GRM5: variants seen among roughly 807,000 people sequenced by gnomAD.
The protein encoded by GRM5 is metabotropic glutamate receptor 5.
Under a neutral mutation model 83.1 loss-of-function variants are expected in GRM5, and 19 were observed. That is an observed-to-expected ratio of 0.23 (90% CI 0.16 to 0.34). The LOEUF (loss-of-function observed/expected upper bound fraction) is 0.34, where lower values mean the gene tolerates loss of function less well. Ranked by LOEUF, GRM5 falls within the 10% of genes least tolerant of loss-of-function variation. GRM5 has a pLI of 1.00. For synonymous variants in GRM5, 675 were observed against 633.6 expected, an observed-to-expected ratio of 1.07 and a Z score of -0.98; for missense variants, 1,160 against 1,588.3, an observed-to-expected ratio of 0.73 and a Z score of 4.58.
chr11:88,788,962 G>A (rs919413836), intron 3 of GRM5, among the ~76,000 whole-genome samples: 1 of 152,138 alleles, frequency 6.6e-6, no homozygotes, highest in African/African-American at 2.4e-5. Context: ...TTATTTTAGA[G>A]GGCAGCAATG....
At chr11:88,528,013 C>A (rs1941921005) in intron 8 of GRM5, among the ~76,000 whole-genome samples, 2 of 151,942 alleles carry the variant, frequency 1.3e-5, no homozygotes, top group African/African-American at 4.8e-5. Flanking sequence ...ATGAAATAAT[C>A]TGCATATTAT....
chr11:88,867,437 G>A (rs899813716), intron 2 of GRM5, among the ~76,000 whole-genome samples: 1 of 151,738 alleles, frequency 6.6e-6, no homozygotes, highest in African/African-American at 2.4e-5. Context: ...TACATAGGCT[G>A]TTCAGTTTTA....
intron 3 of GRM5, among the ~76,000 whole-genome samples, chr11:88,818,117 T>C (rs568665795): frequency 6.6e-6 from 1 of 152,128 alleles, no homozygotes; most frequent in South Asian, 2.1e-4. Context: ...ACTATAAATC[T>C]ACCTCTATTA....
At chr11:88,937,796 T>C (rs1400090158) in intron 2 of GRM5, among the ~76,000 whole-genome samples, 2 of 151,694 alleles carry the variant, frequency 1.3e-5, no homozygotes, top group Non-Finnish European at 3.0e-5. Flanking sequence ...GTTTGTTATA[T>C]TCACATACTA....
chr11:88,863,240 C>A (rs969926561), intron 2 of GRM5, among the ~76,000 whole-genome samples: 2 of 151,958 alleles, frequency 1.3e-5, no homozygotes, highest in Non-Finnish European at 2.9e-5. Flanking sequence ...TGTCATTTGA[C>A]CCAGCAATCC....
intron 4 of GRM5, among the ~76,000 whole-genome samples, chr11:88,635,801 A>T (rs1411811921): frequency 1.3e-5 from 2 of 152,096 alleles, no homozygotes; most frequent in Non-Finnish European, 2.9e-5. Flanking sequence ...TTCTTCCAGT[A>T]GTTTTATGTT....
At chr11:88,673,900 AAAAAC>A (rs1184372513) in intron 3 of GRM5, among the ~76,000 whole-genome samples, 6 of 151,714 alleles carry the variant, frequency 4.0e-5, no homozygotes, top group African/African-American at 1.5e-4. Flanking sequence ...TTGAAAAAAA[AAAAAC>A]AAACATACTC....
At chr11:88,561,452 A>G (rs959574219) in intron 8 of GRM5, among the ~76,000 whole-genome samples, 1 of 152,150 alleles carries the variant, frequency 6.6e-6, no homozygotes, top group East Asian at 1.9e-4. Flanking sequence ...TCTGTCATCA[A>G]TTTAGCCATG....
intron 3 of GRM5, among the ~76,000 whole-genome samples, chr11:88,834,063 TATC>T (rs1465540588): frequency 6.6e-6 from 1 of 152,220 alleles, no homozygotes; most frequent in Non-Finnish European, 1.5e-5. Flanking sequence ...CTGAGTAGAC[TATC>T]ATTAACAAAA....
intron 2 of GRM5, among the ~76,000 whole-genome samples, chr11:88,882,874 TC>T (rs1452638009): frequency 6.6e-6 from 1 of 152,124 alleles, no homozygotes; most frequent in East Asian, 1.9e-4. Context: ...GGTGGGTCTT[TC>T]CCATGCTTCT....
intron 2 of GRM5, among the ~76,000 whole-genome samples, chr11:88,973,543 G>T (rs944629181): frequency 3.3e-5 from 5 of 152,058 alleles, no homozygotes; most frequent in African/African-American, 9.7e-5. Context: ...GGCAAGCCAA[G>T]AAACATTGAT....
At chr11:88,725,158 A>T (rs1941645691) in intron 3 of GRM5, among the ~76,000 whole-genome samples, 1 of 152,186 alleles carries the variant, frequency 6.6e-6, no homozygotes, top group Non-Finnish European at 1.5e-5. Context: ...CCACCAGCAC[A>T]GCAGTCTGAA....
chr11:88,909,264 A>C (rs1945454062), intron 2 of GRM5, among the ~76,000 whole-genome samples: 1 of 152,022 alleles, frequency 6.6e-6, no homozygotes, highest in African/African-American at 2.4e-5. Context: ...ATTTAACAGC[A>C]ATCTAAAACT....
In GRM5 at chr11:88,586,004, T is replaced by C. The variant is rs1943306132; in HGVS notation, c.1690+4597A>G. 2.6e-5 allele frequency among the ~76,000 whole-genome samples: 4 copies of C among 152,138 alleles called. No homozygotes were observed. The South Asian group carries it at 8.3e-4, about 32-fold the overall frequency. On this transcript the variant is annotated intron_variant, in intron 7 of 9. Transcript: ENST00000305447. The stretch of plus-strand genomic sequence containing the variant: ...CCTAATTCTGGTGTTCCTAAGAATT[T>C]ATGACTGCTATTGAGAATATGGCTG...
At chr11:88,802,958 C>T (rs1013323178) in intron 3 of GRM5, among the ~76,000 whole-genome samples, 4 of 148,712 alleles carry the variant, frequency 2.7e-5, no homozygotes, top group Non-Finnish European at 5.9e-5. Context: ...GAATAAACTA[C>T]CTAGGAATCC....
At chr11:88,905,975 A>G (rs1439039154) in intron 2 of GRM5, among the ~76,000 whole-genome samples, 2 of 152,172 alleles carry the variant, frequency 1.3e-5, no homozygotes, top group Non-Finnish European at 2.9e-5. Context: ...AGAACAAATA[A>G]AGGACAAGAT....
At position 88,632,715 on chromosome 11, in the gene GRM5, C is replaced by T. The variant is rs72639175; in HGVS notation, c.1147+20453G>A. On this transcript the variant is annotated intron_variant, in intron 4 of 9. Transcript: ENST00000305447. The stretch of plus-strand genomic sequence containing the variant: ...TAAATACTTAGGAGTAGAATGGCTG[C>T]ACCACATGGTGGGTATATGTTTAAC... Among the ~76,000 whole-genome samples, 915 of 152,256 alleles carry T rather than the reference C, an allele frequency of 6.0e-3. 12 individuals are homozygous for T. In the East Asian group the frequency reaches 0.066, roughly 11 times the overall value.
intron 3 of GRM5, among the ~76,000 whole-genome samples, chr11:88,767,285 A>G (rs1942642043): frequency 6.6e-6 from 1 of 151,990 alleles, no homozygotes; most frequent in African/African-American, 2.4e-5. Context: ...TCAAATAACT[A>G]AAACAGAATT....
chr11:88,918,765 G>A (rs614811), intron 2 of GRM5, among the ~76,000 whole-genome samples: 48,866 of 149,358 alleles, frequency 0.33, 8,072 homozygotes, highest in Non-Finnish European at 0.36. Flanking sequence ...GAAGTTAAAT[G>A]TAGAGTTTTT....
Sources: allele counts gnomAD v4.1 joint callset (sites outside exome capture counted in the v4.1 genomes callset), GRCh38; gene constraint gnomAD v4.1.1; transcripts MANE v1.5; gene names NCBI Gene and HGNC (gene_info 2026-07-23, HGNC 2026-07-21).